The following KRT82 variants were observed in gnomAD, a reference collection of about 807,000 sequenced individuals.
KRT82 encodes keratin 82.
Under a neutral mutation model 48.0 loss-of-function variants are expected in KRT82, and 44 were observed. The observed-to-expected ratio is 0.92, with a 90% confidence interval of 0.72 to 1.18. The LOEUF (loss-of-function observed/expected upper bound fraction) is 1.18. Ranked by LOEUF, KRT82 falls within the 50% of genes most tolerant of loss-of-function variation. The pLI, the probability that KRT82 is intolerant of heterozygous loss-of-function variation, is 0.00. For synonymous variants in KRT82, 297 were observed against 278.3 expected (o/e 1.07, Z -0.67); for missense variants, 701 against 671.4 (o/e 1.04, Z -0.49).
chr12:52,405,763 G>A, intron 1 of KRT82, 104 bp downstream of exon 1: 1 of 1,195,788 alleles, frequency 8.4e-7, no homozygotes, highest in Non-Finnish European at 1.2e-6. Flanking sequence ...ATAAACTGAG[G>A]CCTCCTCAAT....
rs1299128465 is a variant in KRT82 at position 52,395,152 on chromosome 12, C to T, written c.1365G>A (p.Gly455=). ...SKGAFLYEPC[G]VSTPVLSTGV... ...CAGTGCTGAGGACAGGCGTGCTGACCCCACATGGCTCGTACAGGAAGGCGC... is the reference window on the plus strand; with the variant it reads ...CAGTGCTGAGGACAGGCGTGCTGACTCCACATGGCTCGTACAGGAAGGCGC... The change falls in exon 9 of 9, where the codon GGG becomes GGA. Residue 455 remains glycine (G), a synonymous_variant. Coordinates refer to ENST00000257974, the MANE Select transcript of KRT82 (RefSeq NM_033033.4). The T allele has an allele frequency of 6.2e-7, 1 of 1,613,888 alleles. No homozygotes were observed.
In KRT82 at chr12:52,394,633, T is replaced by G; in HGVS notation, c.*342A>C. On this transcript the variant is annotated 3_prime_UTR_variant, in exon 9 of 9. Transcript: ENST00000257974. ...GAGGAGCTGACTTTGTGAGGAAACT[T>G]CCATGGGATGATCCACAGAGCAGAA... The G allele has an allele frequency of 3.3e-6, 1 of 299,452 alleles. No individual in the cohort carries two copies. Among genetic ancestry groups the G allele is most frequent in the Non-Finnish European group, 6.3e-6 (1 of 159,020 alleles). The allele number at this position is 299,452 out of a possible 1,614,324, so 18.5% of individuals were successfully genotyped here.
rs768664136 is a variant in KRT82 at position 52,403,889 on chromosome 12, C to T, written c.432G>A (p.Lys144=). Residue 144 remains lysine, a synonymous_variant, in exon 2 of 9, where the codon AAG becomes AAA. Coordinates refer to ENST00000257974, the MANE Select transcript of KRT82 (RefSeq NM_033033.4). ...FINKVRFLEQ[K]NKLLETKWNF... is the part of the protein sequence containing the mutation. Reference sequence around the variant, plus strand: ...TCCACTTGGTCTCCAGCAGCTTGTTCTTCTGCTCCAGGAAACGGACCTGCA... The same window carrying T: ...TCCACTTGGTCTCCAGCAGCTTGTTTTTCTGCTCCAGGAAACGGACCTGCA... The T allele has an allele frequency of 1.2e-6, 2 of 1,613,790 alleles. No individual in the cohort carries two copies. Among genetic ancestry groups the T allele is most frequent in the Admixed American group, 1.7e-5 (1 of 60,000 alleles).
In KRT82 at chr12:52,396,923, A is replaced by G. The variant is rs1197203276; in HGVS notation, c.1028T>C (p.Ile343Thr). 6.2e-7 allele frequency: 1 copy of G among 1,613,908 alleles called. No homozygotes were observed. Among genetic ancestry groups the G allele is most frequent in the African/African-American group, 1.3e-5 (1 of 74,862 alleles). ...CTCGGTTTCTTGCTGCAGCCGCTGG[A>G]TCAGTTTATTCATTTCCAGGATCTC... ...KNEILEMNKL[I>T]QRLQQETENV... The change falls in exon 6 of 9, where the codon ATC becomes ACC. Residue 343 changes from isoleucine (I) to threonine (T), a missense_variant. Ile to Thr is a moderately conservative substitution (Grantham distance 89, BLOSUM62 -1). Coordinates refer to ENST00000257974, the MANE Select transcript of KRT82 (RefSeq NM_033033.4).
At chr12:52,400,666 C>T (rs1939777383) in intron 3 of KRT82, 44 bp from the exon 4 acceptor site, 1 of 1,380,610 alleles carries the variant, frequency 7.2e-7, no homozygotes, top group Non-Finnish European at 1.0e-6. Flanking sequence ...TGGGCCACCT[C>T]CCAGGCAAGC....
At position 52,403,912 on chromosome 12, in the gene KRT82, G is replaced by A. The variant is rs759795643; in HGVS notation, c.412-3C>T. The A allele has an allele frequency of 6.2e-7, 1 of 1,612,986 alleles. No homozygotes were observed. The highest frequency in any genetic ancestry group is 8.5e-7 in the Non-Finnish European group (1 of 1,179,610). On this transcript the variant is annotated splice_polypyrimidine_tract_variant and splice_region_variant and intron_variant, in intron 1 of 8. Coordinates refer to ENST00000257974, the MANE Select transcript of KRT82 (RefSeq NM_033033.4). ...TTCTTCTGCTCCAGGAAACGGACCT[G>A]CAGCCAAGAATGGAATATCACCAGG...
In KRT82 at chr12:52,394,949, C is replaced by G; in HGVS notation, c.*26G>C. The G allele has an allele frequency of 2.5e-6, 4 of 1,598,288 alleles. No individual in the cohort carries two copies. Among genetic ancestry groups the G allele is most frequent in the Non-Finnish European group, 3.4e-6 (4 of 1,166,090 alleles). On this transcript the variant is annotated 3_prime_UTR_variant, in exon 9 of 9. Transcript: ENST00000257974. ...CATCCAGGGCCATGGGGCAGGGGCT[C>G]TGTCTCCTGGATGTCTCGGATCATG...
intron 7 of KRT82, 111 bp from the exon 8 acceptor site, chr12:52,395,901 C>T: frequency 6.8e-7 from 1 of 1,478,206 alleles, no homozygotes; most frequent in Non-Finnish European, 9.1e-7. Context: ...TGTGGGTTTT[C>T]AATGAATGTG....
At chr12:52,403,969 A>G (rs1939822099) in intron 1 of KRT82, 60 bp from the exon 2 acceptor site, 3 of 1,509,138 alleles carry the variant, frequency 2.0e-6, no homozygotes, top group Non-Finnish European at 2.7e-6. Flanking sequence ...TGACTTAGAG[A>G]GGGCAATGGA....
At chr12:52,396,358 T>G in intron 6 of KRT82, 126 bp from the exon 7 acceptor site, 1 of 824,304 alleles carries the variant, frequency 1.2e-6, no homozygotes, top group Non-Finnish European at 1.9e-6. Flanking sequence ...CATCCTAGGA[T>G]TGCGACATCT....
rs1210434115 is a variant in KRT82 at position 52,406,253 on chromosome 12, C to T, written c.25G>A (p.Gly9Ser). Residue 9 changes from glycine (G) to serine (S), a missense_variant, in exon 1 of 9, where the codon GGC becomes AGC. Gly to Ser is a moderately conservative substitution (Grantham distance 56). Transcript: ENST00000257974. ...AAACTCTGACTGCCACACCTGGAGCCTGGCTGGAAAGAGTGGTACGACATG... is the reference window on the plus strand; with the variant it reads ...AAACTCTGACTGCCACACCTGGAGCTTGGCTGGAAAGAGTGGTACGACATG... Reference protein sequence around the residue: MSYHSFQPGSRCGSQSFSS... With the variant: MSYHSFQPSSRCGSQSFSS... 6.2e-7 allele frequency: 1 copy of T among 1,602,796 alleles called. No homozygotes were observed. The highest frequency in any genetic ancestry group is 8.5e-7 in the Non-Finnish European group (1 of 1,172,986).
intron 4 of KRT82, 42 bp from the exon 5 acceptor site, chr12:52,400,191 C>T (rs777892951): frequency 2.1e-5 from 34 of 1,582,888 alleles, no homozygotes; most frequent in African/African-American, 1.5e-4. Context: ...GCTCTCTGAG[C>T]GTCCGGGGAC....
At chr12:52,405,008 G>A (rs1008178035) in intron 1 of KRT82, among the ~76,000 whole-genome samples, 1 of 152,058 alleles carries the variant, frequency 6.6e-6, no homozygotes, top group African/African-American at 2.4e-5. Context: ...AAACCTTACG[G>A]TCACCAGAAA....
rs1217467300 is a variant in KRT82 at position 52,395,906 on chromosome 12, A to T, written c.1289+106T>A. ...CATGTGCTGCTGTGGGTTTTCAATG[A>T]ATGTGGGTAGGGGACGGGGTGAGAG... is the stretch of plus-strand genomic sequence containing the variant. On this transcript the variant is annotated intron_variant, in intron 7 of 8. Transcript: ENST00000257974. The T allele has an allele frequency of 1.4e-5, 20 of 1,481,156 alleles. No individual in the cohort carries two copies. The East Asian group carries it at 4.5e-4, about 34-fold the overall frequency. The allele number at this position is 1,481,156 out of a possible 1,614,324, so 91.8% of individuals were successfully genotyped here.
chr12:52,401,171 A>T, intron 3 of KRT82, 118 bp downstream of exon 3: 1 of 826,754 alleles, frequency 1.2e-6, no homozygotes, highest in South Asian at 1.6e-5. Flanking sequence ...CTGAGGGGCG[A>T]AAAACCCTTT....
chr12:52,404,935 G>T (rs1258395790), intron 1 of KRT82, among the ~76,000 whole-genome samples: 2 of 152,194 alleles, frequency 1.3e-5, no homozygotes, highest in Non-Finnish European at 2.9e-5. Context: ...GATTCCGGGT[G>T]TAGGAGTAGA....
At position 52,401,418 on chromosome 12, in the gene KRT82, G is replaced by A; in HGVS notation, c.621-69C>T. 3.4e-6 allele frequency: 5 copies of A among 1,472,158 alleles called. No homozygotes were observed. The South Asian group carries it at 5.7e-5, about 17-fold the overall frequency. 91.2% of individuals were successfully genotyped at this position (1,472,158 alleles called of 1,614,324 possible). Reference sequence around the variant, plus strand: ...ATTTTGGAAGAGATCTTGGCATCAGGCCTTTGGGGGCAACTCTGCCTGTCA... The same window carrying A: ...ATTTTGGAAGAGATCTTGGCATCAGACCTTTGGGGGCAACTCTGCCTGTCA... On this transcript the variant is annotated intron_variant, in intron 2 of 8. Transcript: ENST00000257974.
intron 2 of KRT82, among the ~76,000 whole-genome samples, chr12:52,401,818 AC>A (rs1213142694): frequency 6.6e-6 from 1 of 151,972 alleles, no homozygotes; most frequent in African/African-American, 2.4e-5. Context: ...TATCCATCTT[AC>A]CAGACCCACA....
chr12:52,405,424 T>C (rs188166730), intron 1 of KRT82, among the ~76,000 whole-genome samples: 2 of 152,254 alleles, frequency 1.3e-5, no homozygotes, highest in South Asian at 2.1e-4. Flanking sequence ...CCTAAAATGA[T>C]TGGAAACTCT....
Sources: gnomAD v4.1 joint callset for allele counts (sites outside exome capture counted in the v4.1 genomes callset) on GRCh38, gnomAD v4.1.1 for gene constraint, MANE v1.5 for transcripts, NCBI Gene and HGNC (gene_info 2026-07-23, HGNC 2026-07-21) for gene names.